CCDC88C: variants seen among roughly 807,000 people sequenced by gnomAD.
The protein encoded by CCDC88C is coiled-coil and HOOK domain protein 88C, also known as protein Daple.
A neutral mutation model predicts 198.8 loss-of-function variants in CCDC88C; 131 were observed. The observed-to-expected ratio is 0.66, with a 90% CI of 0.57 to 0.76. The LOEUF (loss-of-function observed/expected upper bound fraction) is 0.76, where lower values mean the gene tolerates loss of function less well. CCDC88C is among the 30% of genes least tolerant of loss of function. The pLI is 0.00. For synonymous variants in CCDC88C, 1,166 were observed against 1,114.7 expected (o/e 1.05, Z -0.92); for missense variants, 2,553 against 2,631.6 (o/e 0.97, Z 0.65).
In CCDC88C at chr14:91,303,938, G is replaced by A. The variant is rs1274837690; in HGVS notation, c.3398C>T (p.Thr1133Ile). 6.2e-7 allele frequency: 1 copy of A among 1,610,424 alleles called. No individual in the cohort carries two copies. Among genetic ancestry groups the A allele is most frequent in the Non-Finnish European group, 8.5e-7 (1 of 1,179,830 alleles). Residue 1133 changes from threonine (T) to isoleucine (I), a missense_variant, in exon 20 of 30, where the codon ACC (threonine) becomes ATC (isoleucine). Thr to Ile is a moderately conservative substitution (Grantham distance 89, BLOSUM62 -1). Coordinates refer to ENST00000389857, the MANE Select transcript of CCDC88C (RefSeq NM_001080414.4). ...STLSSQSAAL[T>I]AQYTLLQNHH... is the part of the protein sequence containing the mutation. Reference sequence around the variant, plus strand: ...GTTCTGCAGCAGCGTGTACTGCGCGGTGAGCGCTGCGCTCTGGGAACTCAG... The same window carrying A: ...GTTCTGCAGCAGCGTGTACTGCGCGATGAGCGCTGCGCTCTGGGAACTCAG...
At position 91,289,096 on chromosome 14, in the gene CCDC88C, C is replaced by A; in HGVS notation, c.4441+9G>T. 6.2e-7 allele frequency: 1 copy of A among 1,608,736 alleles called. No homozygotes were observed. Among genetic ancestry groups the A allele is most frequent in the South Asian group, 1.1e-5 (1 of 90,924 alleles). ...CTCACCCGACCACGGCCAGGACGGC[C>A]GCCCCTACCTTTCCCCACAGACCCG... On this transcript the variant is annotated intron_variant, in intron 25 of 29. Coordinates refer to ENST00000389857, the MANE Select transcript of CCDC88C (RefSeq NM_001080414.4).
At chr14:91,286,431 A>C (rs1890412423) in intron 25 of CCDC88C, among the ~76,000 whole-genome samples, 2 of 152,314 alleles carry the variant, frequency 1.3e-5, no homozygotes, top group South Asian at 2.1e-4. Flanking sequence ...CAACACCAAG[A>C]ATCATGATTT....
chr14:91,373,294 G>A (rs1001220672), intron 3 of CCDC88C, among the ~76,000 whole-genome samples: 13 of 152,144 alleles, frequency 8.5e-5, no homozygotes, highest in Non-Finnish European at 1.2e-4. Context: ...TGGCTTGGAC[G>A]CTATGCTGAG....
At chr14:91,319,829 C>T (rs35228917) in intron 13 of CCDC88C, among the ~76,000 whole-genome samples, 8,877 of 151,946 alleles carry the variant, frequency 0.058, 278 homozygotes, top group African/African-American at 0.071. Context: ...AGTTTGAGAC[C>T]AGCCTGGCCA....
intron 4 of CCDC88C, among the ~76,000 whole-genome samples, chr14:91,349,410 G>C (rs1011249336): frequency 1.3e-5 from 2 of 152,216 alleles, no homozygotes; most frequent in Non-Finnish European, 2.9e-5. Flanking sequence ...AAGAGAGCAC[G>C]CTGCTTGTCA....
At chr14:91,300,761 C>T (rs866240008) in intron 20 of CCDC88C, among the ~76,000 whole-genome samples, 1 of 152,214 alleles carries the variant, frequency 6.6e-6, no homozygotes, top group Admixed American at 6.5e-5. Context: ...CTGGCCATCT[C>T]TTGGGGGGCA....
chr14:91,303,035 T>C (rs1021819752), intron 20 of CCDC88C, among the ~76,000 whole-genome samples: 2 of 152,280 alleles, frequency 1.3e-5, no homozygotes, highest in African/African-American at 4.8e-5. Flanking sequence ...AAAGGTAACG[T>C]TTATTTCCTT....
rs911289634 is a variant in CCDC88C, at chr14:91,341,868, G to A, written c.483+512C>T. ...AGCCCTCCCGGCCCCTCGCTGGGGGGCCTGAGTTGGGGCTGGGCCAAGTCT... is the reference window on the plus strand; with the variant it reads ...AGCCCTCCCGGCCCCTCGCTGGGGGACCTGAGTTGGGGCTGGGCCAAGTCT... On this transcript the variant is annotated intron_variant, in intron 6 of 29. Transcript: ENST00000389857. Among the ~76,000 whole-genome samples the A allele has an allele frequency of 2.0e-5, 3 of 152,202 alleles. No individual in the cohort carries two copies. The East Asian group carries it at 5.8e-4, about 29-fold the overall frequency.
chr14:91,309,500 G>A (rs1285937254), intron 16 of CCDC88C, among the ~76,000 whole-genome samples: 2 of 151,650 alleles, frequency 1.3e-5, no homozygotes, highest in East Asian at 3.9e-4. Flanking sequence ...GCTAGGTAGT[G>A]GTCTCCAGCT....
In CCDC88C at chr14:91,314,054, C is replaced by A. The variant is rs377498688; in HGVS notation, c.1762G>T (p.Val588Leu). ...QVSSEARMKD[V>L]EKENKALHQT... ...TGGAGGGCTTTGTTCTCCTTCTCCACGTCTTTCATGCGGGCCTCACTGCTG... is the reference window on the plus strand; with the variant it reads ...TGGAGGGCTTTGTTCTCCTTCTCCAAGTCTTTCATGCGGGCCTCACTGCTG... Residue 588 changes from valine to leucine, a missense_variant, in exon 15 of 30, where the codon GTG becomes TTG. Val to Leu is a conservative substitution (Grantham distance 32). This residue lies in a region of CCDC88C where 1,260 missense variants were observed against 1,412.0 expected (regional missense o/e 0.89). Coordinates refer to ENST00000389857, the MANE Select transcript of CCDC88C (RefSeq NM_001080414.4). The A allele has an allele frequency of 1.2e-6, 2 of 1,613,802 alleles. No individual in the cohort carries two copies. The highest frequency in any genetic ancestry group is 2.7e-5 in the African/African-American group (2 of 74,908).
intron 22 of CCDC88C, 139 bp from the exon 23 acceptor site, chr14:91,294,457 G>C: frequency 1.0e-6 from 1 of 973,018 alleles, no homozygotes; most frequent in South Asian, 1.6e-5. Flanking sequence ...AACTTGGAAA[G>C]GGCCAAACGG....
intron 12 of CCDC88C, among the ~76,000 whole-genome samples, chr14:91,322,937 A>C: frequency 3.1e-5 from 4 of 129,154 alleles, no homozygotes; most frequent in Admixed American, 9.3e-5. Flanking sequence ...ACAGAATCTC[A>C]CTCTCTCACC....
rs531052845 is a variant in CCDC88C at position 91,339,962 on chromosome 14, C to G, written c.546G>C (p.Pro182=). The G allele has an allele frequency of 1.1e-5, 18 of 1,602,092 alleles. 1 individual carries two copies. The African/African-American group carries it at 1.6e-4, about 14-fold the overall frequency. ...LQWLELPDVA[P]EELEALSRSM... ...TCCTCGACAGGGCCTCCAGCTCCTCCGGAGCCACGTCGGGCAGCTCCAGCC... is the reference window on the plus strand; with the variant it reads ...TCCTCGACAGGGCCTCCAGCTCCTCGGGAGCCACGTCGGGCAGCTCCAGCC... Residue 182 remains proline (P), a synonymous_variant, in exon 7 of 30, where the codon CCG becomes CCC. Transcript: ENST00000389857. This position sits in a 1 kb window ranked among gnomAD's most constrained non-coding sequence, Gnocchi z 5.8.
In CCDC88C at chr14:91,272,541, A is replaced by AC; in HGVS notation, c.*83dup. 1.4e-6 allele frequency: 2 copies of AC among 1,403,826 alleles called. No individual in the cohort carries two copies. The highest frequency in any genetic ancestry group is 9.7e-7 in the Non-Finnish European group (1 of 1,033,344). The allele number at this position is 1,403,826 out of a possible 1,614,324, so 87.0% of individuals were successfully genotyped here. The stretch of plus-strand genomic sequence containing the variant: ...TCCTCATTCCAAACCCTCTCCTGGC[A>AC]CCGCAGGCAAGCAAGAGAAAAGGCC... On this transcript the variant is annotated 3_prime_UTR_variant, in exon 30 of 30. Transcript: ENST00000389857.
At chr14:91,301,672 G>A (rs927910989) in intron 20 of CCDC88C, among the ~76,000 whole-genome samples, 6 of 152,152 alleles carry the variant, frequency 3.9e-5, no homozygotes, top group Admixed American at 6.5e-5. Context: ...AGCCAAGATC[G>A]CTCCACTGCA....
In CCDC88C at chr14:91,384,676, G is replaced by A. The variant is rs928182442; in HGVS notation, c.270+23983C>T. On this transcript the variant is annotated intron_variant, in intron 3 of 29. Transcript: ENST00000389857. ...CCTACCCCAACTGCACACCTGGGAC[G>A]CCCATCAGCTGCTCTCTCCAACACG... The A allele has an allele frequency of 8.2e-6, 3 of 366,782 alleles. No homozygotes were observed. The Admixed American group carries it at 1.0e-4, about 13-fold the overall frequency. The allele number at this position is 366,782 out of a possible 1,614,324, so 22.7% of individuals were successfully genotyped here.
At chr14:91,392,781 CTG>C in intron 3 of CCDC88C, among the ~76,000 whole-genome samples, 1 of 151,648 alleles carries the variant, frequency 6.6e-6, no homozygotes, top group African/African-American at 2.4e-5. Context: ...CTCACTCTCA[CTG>C]CACCCCTCAC....
intron 3 of CCDC88C, among the ~76,000 whole-genome samples, chr14:91,390,686 C>A (rs956269035): frequency 6.6e-6 from 1 of 152,190 alleles, no homozygotes; most frequent in African/African-American, 2.4e-5. Flanking sequence ...TGCGAAAAGC[C>A]AGTGGCTGGT....
At chr14:91,336,381 A>C (rs1461300164) in intron 10 of CCDC88C, among the ~76,000 whole-genome samples, 1 of 152,122 alleles carries the variant, frequency 6.6e-6, no homozygotes, top group African/African-American at 2.4e-5. Flanking sequence ...TCCTCCACAA[A>C]TCAGGGTGCA....
Sources: gnomAD v4.1 joint callset for allele counts (sites outside exome capture counted in the v4.1 genomes callset) on GRCh38, gnomAD v4.1.1 for gene constraint, gnomAD v4.1.1 regional missense constraint, Gnocchi (gnomAD v3.1) non-coding constraint, MANE v1.5 for transcripts, NCBI Gene and HGNC (gene_info 2026-07-23, HGNC 2026-07-21) for gene names.